The following ZBTB16 variants were observed in gnomAD, a reference collection of about 807,000 sequenced individuals.
The protein encoded by ZBTB16 is zinc finger and BTB domain-containing protein 16.
A neutral mutation model predicts 56.8 loss-of-function variants in ZBTB16; 8 were observed. The observed-to-expected ratio is 0.14, with a 90% CI of 0.08 to 0.25. ZBTB16 has a LOEUF of 0.25. Among genes scored for constraint, ZBTB16 ranks in the 10% least tolerant of loss-of-function variants. The pLI, the probability that ZBTB16 is intolerant of heterozygous loss-of-function variation, is 1.00. For synonymous variants in ZBTB16, 363 were observed against 368.5 expected, an observed-to-expected ratio of 0.98 and a Z score of 0.17; for missense variants, 625 against 903.0, an observed-to-expected ratio of 0.69 and a Z score of 3.95.
intron 3 of ZBTB16, among the ~76,000 whole-genome samples, chr11:114,163,095 A>G (rs1942637777): frequency 6.6e-6 from 1 of 152,230 alleles, no homozygotes; most frequent in Non-Finnish European, 1.5e-5. Flanking sequence ...AGGAAAAGGA[A>G]AACAAAAACT....
chr11:114,152,227 T>A (rs1434588514), intron 2 of ZBTB16, among the ~76,000 whole-genome samples: 1 of 152,204 alleles, frequency 6.6e-6, no homozygotes, highest in African/African-American at 2.4e-5. Context: ...AAAGGAAATA[T>A]AGGCACGGTC....
At chr11:114,129,856 T>TC (rs1941614514) in intron 2 of ZBTB16, among the ~76,000 whole-genome samples, 1 of 152,220 alleles carries the variant, frequency 6.6e-6, no homozygotes, top group African/African-American at 2.4e-5. Context: ...TATGGGCTTC[T>TC]CCCCCCTCCT....
At chr11:114,134,831 T>G (rs757524313) in intron 2 of ZBTB16, among the ~76,000 whole-genome samples, 29 of 152,276 alleles carry the variant, frequency 1.9e-4, no homozygotes, top group Admixed American at 7.2e-4. Flanking sequence ...AGAGAAAAAC[T>G]TTAATTAAGT....
chr11:114,148,596 C>A (rs613803), intron 2 of ZBTB16, among the ~76,000 whole-genome samples: 1 of 150,886 alleles, frequency 6.6e-6, no homozygotes, highest in Non-Finnish European at 1.5e-5. Context: ...TGGGTTCAAG[C>A]GATTCTCCTG....
At chr11:114,172,202 C>G (rs911863538) in intron 3 of ZBTB16, among the ~76,000 whole-genome samples, 1 of 152,248 alleles carries the variant, frequency 6.6e-6, no homozygotes, top group Non-Finnish European at 1.5e-5. Context: ...CCGCACACAG[C>G]TGGCCATGGT....
intron 4 of ZBTB16, among the ~76,000 whole-genome samples, chr11:114,230,417 G>T (rs1414839200): frequency 2.0e-5 from 3 of 152,068 alleles, no homozygotes; most frequent in Non-Finnish European, 4.4e-5. Flanking sequence ...ATTTGCTTCT[G>T]AATGTCCTGC....
intron 2 of ZBTB16, among the ~76,000 whole-genome samples, chr11:114,113,382 G>A (rs1326244045): frequency 6.6e-6 from 1 of 152,226 alleles, no homozygotes; most frequent in Non-Finnish European, 1.5e-5. Flanking sequence ...AAATTAGGTT[G>A]AGGACACTGG....
Position 114,250,463 on chromosome 11 carries a change from T to C in ZBTB16, c.1930T>C (p.Ser644Pro). Residue 644 changes from serine to proline, a missense_variant, in exon 7 of 7, where the codon TCC becomes CCC. By Grantham distance (74) the Ser-to-Pro change is moderately conservative. This residue lies in a region of ZBTB16 where 40 missense variants were observed against 93.2 expected (regional missense o/e 0.43). Transcript: ENST00000335953. This position sits in a 1 kb window ranked among gnomAD's most constrained non-coding sequence, Gnocchi z 6.0. ...ICTEYCPSLSSMQKHMKGHKP... is the reference protein window; with the variant it reads ...ICTEYCPSLSPMQKHMKGHKP... ...CACAGAGTACTGCCCCAGCCTCTCC[T>C]CCATGCAGAAGCACATGAAGGGCCA... The C allele has an allele frequency of 6.2e-7, 1 of 1,613,902 alleles. No homozygotes were observed. Among genetic ancestry groups the C allele is most frequent in the Non-Finnish European group, 8.5e-7 (1 of 1,179,976 alleles).
intron 2 of ZBTB16, among the ~76,000 whole-genome samples, chr11:114,075,233 C>G (rs1385821329): frequency 1.3e-5 from 2 of 152,108 alleles, no homozygotes; most frequent in Non-Finnish European, 2.9e-5. Context: ...AATCTTCTGT[C>G]TCTTAGAGGC....
At chr11:114,204,918 G>A (rs978291767) in intron 4 of ZBTB16, among the ~76,000 whole-genome samples, 17 of 152,118 alleles carry the variant, frequency 1.1e-4, no homozygotes, top group African/African-American at 3.1e-4. Context: ...ATTTACTTCC[G>A]CTACTAATTT....
chr11:114,190,432 A>G (rs1452707608), intron 4 of ZBTB16, among the ~76,000 whole-genome samples: 1 of 152,194 alleles, frequency 6.6e-6, no homozygotes, highest in Non-Finnish European at 1.5e-5. Context: ...GTTGGGTAAA[A>G]TCATCTAATA....
chr11:114,085,387 G>A (rs1175359516), intron 2 of ZBTB16, among the ~76,000 whole-genome samples: 2 of 152,180 alleles, frequency 1.3e-5, no homozygotes, highest in East Asian at 1.9e-4. Context: ...CATTTACTGA[G>A]CATCACTGTG....
chr11:114,223,166 T>C (rs1240481868), intron 4 of ZBTB16, among the ~76,000 whole-genome samples: 1 of 152,194 alleles, frequency 6.6e-6, no homozygotes, highest in Non-Finnish European at 1.5e-5. Flanking sequence ...GTGTCTTCAA[T>C]TGTGAATGAC....
At chr11:114,214,714 A>T (rs1182035313) in intron 4 of ZBTB16, among the ~76,000 whole-genome samples, 1 of 151,986 alleles carries the variant, frequency 6.6e-6, no homozygotes, top group Non-Finnish European at 1.5e-5. Context: ...AGCGATTCTC[A>T]TACTTTAGCC....
chr11:114,237,219 C>T (rs1279276123), intron 4 of ZBTB16: 1 of 152,248 alleles, frequency 6.6e-6, no homozygotes, highest in Admixed American at 6.5e-5. Context: ...CCATCATTGG[C>T]TCTGTGACCA....
chr11:114,129,464 C>T (rs529059135), intron 2 of ZBTB16, among the ~76,000 whole-genome samples: 48 of 152,326 alleles, frequency 3.2e-4, no homozygotes, highest in African/African-American at 1.2e-3. Flanking sequence ...TGTTGAAATG[C>T]CCATTTGCTT....
At chr11:114,125,597 T>C (rs189243225) in intron 2 of ZBTB16, among the ~76,000 whole-genome samples, 1 of 152,152 alleles carries the variant, frequency 6.6e-6, no homozygotes, top group East Asian at 1.9e-4. Context: ...AAGGGGCCTG[T>C]CTTGCCTTCA....
At chr11:114,201,241 G>GGGAGGAGGGGGA (rs1270473754) in intron 4 of ZBTB16, among the ~76,000 whole-genome samples, 2 of 152,152 alleles carry the variant, frequency 1.3e-5, no homozygotes, top group Non-Finnish European at 1.5e-5. Flanking sequence ...GAGTGGAGGT[G>GGGAGGAGGGGGA]GGAGGAGGGG....
Position 114,096,782 on chromosome 11 carries a change from C to T in ZBTB16, c.1268+32214C>T, listed in dbSNP as rs148510575. Among the ~76,000 whole-genome samples, 17 of 152,298 alleles carry T rather than the reference C, an allele frequency of 1.1e-4. No homozygotes were observed. In the East Asian group the frequency reaches 1.5e-3, roughly 14 times the overall value. On this transcript the variant is annotated intron_variant, in intron 2 of 6. Transcript: ENST00000335953. ...ACCCTTGCGTGGCTTCCCGCTTCAG[C>T]GACATTGTTGACTTCAGTTTTCTAA...
Sources: allele counts gnomAD v4.1 joint callset (sites outside exome capture counted in the v4.1 genomes callset), GRCh38; gene constraint gnomAD v4.1.1; regional missense constraint gnomAD v4.1.1; non-coding constraint Gnocchi (gnomAD v3.1); transcripts MANE v1.5; gene names NCBI Gene and HGNC (gene_info 2026-07-23, HGNC 2026-07-21).